Variants in RSPO3 observed in about 807,000 individuals in gnomAD.
The protein encoded by RSPO3 is R-spondin 3, also known as R-spondin-3.
In RSPO3, 17 loss-of-function variants were observed where a neutral mutation model predicts 36.5. The ratio of observed to expected loss-of-function variants is 0.47; its 90% CI spans 0.32 to 0.70. The LOEUF is 0.70. Ranked by LOEUF, RSPO3 falls within the 30% of genes least tolerant of loss-of-function variation. The probability of loss-of-function intolerance (pLI) is 0.04; values close to 1 mark genes in which losing one functional copy is unlikely to be tolerated. For missense variants in RSPO3, 294 were observed against 322.5 expected (o/e 0.91, Z 0.68); for synonymous variants, 108 against 107.0 (o/e 1.01, Z -0.06).
At chr6:127,188,763 A>T (rs560954749) in intron 4 of RSPO3, among the ~76,000 whole-genome samples, 1 of 152,310 alleles carries the variant, frequency 6.6e-6, no homozygotes, top group South Asian at 2.1e-4. Flanking sequence ...TCTGATAAGC[A>T]GCTTTTCCTT....
chr6:127,161,599 C>T (rs1271740217), intron 4 of RSPO3, among the ~76,000 whole-genome samples: 1 of 152,056 alleles, frequency 6.6e-6, no homozygotes, highest in Non-Finnish European at 1.5e-5. Context: ...TCCATGCAAT[C>T]CCTTCATTCC....
intron 1 of RSPO3, among the ~76,000 whole-genome samples, chr6:127,135,779 T>A (rs1196540071): frequency 6.6e-6 from 1 of 151,976 alleles, no homozygotes; most frequent in East Asian, 1.9e-4. Flanking sequence ...ATACCAAAAT[T>A]AGCCGGGCAT....
At chr6:127,139,364 A>ATCCAAGT (rs1268786403) in intron 1 of RSPO3, among the ~76,000 whole-genome samples, 1 of 152,152 alleles carries the variant, frequency 6.6e-6, no homozygotes, top group Non-Finnish European at 1.5e-5. Flanking sequence ...TAGCACAAAT[A>ATCCAAGT]TCCAAGTTTA....
intron 4 of RSPO3, among the ~76,000 whole-genome samples, chr6:127,163,005 T>C (rs1774740747): frequency 1.3e-5 from 2 of 152,108 alleles, no homozygotes; most frequent in South Asian, 4.1e-4. Context: ...CAATGCTGAG[T>C]TAACCGGCCC....
chr6:127,162,428 T>C (rs571125687), intron 4 of RSPO3, among the ~76,000 whole-genome samples: 24 of 152,172 alleles, frequency 1.6e-4, no homozygotes, highest in Non-Finnish European at 3.2e-4. Flanking sequence ...GATTTGTATT[T>C]CCTTTGTAAA....
Position 127,195,946 on chromosome 6 carries a change from A to G in RSPO3, c.758A>G (p.Gln253Arg), listed in dbSNP as rs1376626789. Residue 253 changes from glutamine to arginine, a missense_variant, in exon 5 of 5, where the codon CAG becomes CGG. Coordinates refer to ENST00000356698, the MANE Select transcript of RSPO3 (RefSeq NM_032784.5). Reference protein sequence around the residue: ...EIPEQRENKQQQKKRKVQDKQ... With the variant: ...EIPEQRENKQRQKKRKVQDKQ... ...CCAGAGCAACGAGAAAACAAACAGC[A>G]GCAGAAGAAGCGAAAAGTCCAAGAT... 6.2e-7 allele frequency: 1 copy of G among 1,613,230 alleles called. No individual in the cohort carries two copies. The highest frequency in any genetic ancestry group is 8.5e-7 in the Non-Finnish European group (1 of 1,179,352).
intron 4 of RSPO3, chr6:127,192,528 C>T (rs1259622227): frequency 3.1e-6 from 1 of 327,864 alleles, no homozygotes; most frequent in Non-Finnish European, 4.4e-6. Flanking sequence ...TTTTTCTGGC[C>T]CTAAGGACAG....
At chr6:127,190,693 T>C (rs1240347232) in intron 4 of RSPO3, among the ~76,000 whole-genome samples, 4 of 152,230 alleles carry the variant, frequency 2.6e-5, no homozygotes, top group African/African-American at 4.8e-5. Context: ...TAATGTGGAA[T>C]ACATTTTTAG....
rs1233535377 is a variant in RSPO3, at chr6:127,173,000, CT to C, written c.634+17567del. On this transcript the variant is annotated intron_variant, in intron 4 of 4. Coordinates refer to ENST00000356698, the MANE Select transcript of RSPO3 (RefSeq NM_032784.5). ...TGTCAATCTGATCTTTCCATTCTGT[CT>C]TTTTCAACACTTTTGCCCTGTGTTC... Among the ~76,000 whole-genome samples the C allele has an allele frequency of 5.9e-5, 9 of 151,894 alleles. No individual in the cohort carries two copies. The East Asian group carries it at 1.8e-3, about 30-fold the overall frequency.
rs1351470614 is a variant in RSPO3, at chr6:127,197,247, A to T, written c.*1240A>T. ...ACTTATAGCGTATTAGGAGATATTT[A>T]TTCCATTTTCTTATTTTAATCAACA... On this transcript the variant is annotated 3_prime_UTR_variant, in exon 5 of 5. Coordinates refer to ENST00000356698, the MANE Select transcript of RSPO3 (RefSeq NM_032784.5). The T allele has an allele frequency of 1.4e-6, 1 of 719,086 alleles. No homozygotes were observed. The highest frequency in any genetic ancestry group is 1.8e-5 in the African/African-American group (1 of 56,164). 44.5% of individuals were successfully genotyped at this position (719,086 alleles called of 1,614,324 possible).
intron 4 of RSPO3, among the ~76,000 whole-genome samples, chr6:127,160,536 G>C (rs1774689902): frequency 6.6e-6 from 1 of 152,184 alleles, no homozygotes; most frequent in African/African-American, 2.4e-5. Flanking sequence ...ATTGTGCCCT[G>C]AGTACCATCT....
intron 1 of RSPO3, among the ~76,000 whole-genome samples, chr6:127,134,032 G>A (rs1774106831): frequency 6.6e-6 from 1 of 152,122 alleles, no homozygotes; most frequent in African/African-American, 2.4e-5. Flanking sequence ...AATAGCGTTG[G>A]AAATTAATTA....
intron 1 of RSPO3, 110 bp downstream of exon 1, chr6:127,119,399 C>T: frequency 2.5e-6 from 2 of 789,898 alleles, no homozygotes. Context: ...CCGCCCTGCG[C>T]CTCGCAGAGG....
At chr6:127,190,161 C>T (rs1775379053) in intron 4 of RSPO3, among the ~76,000 whole-genome samples, 2 of 152,104 alleles carry the variant, frequency 1.3e-5, no homozygotes, top group Non-Finnish European at 2.9e-5. Flanking sequence ...CAGTGGCTCA[C>T]ACCTGTAATC....
At chr6:127,151,852 G>A (rs1774497135) in intron 3 of RSPO3, among the ~76,000 whole-genome samples, 1 of 151,944 alleles carries the variant, frequency 6.6e-6, no homozygotes, top group Non-Finnish European at 1.5e-5. Flanking sequence ...TTTCTTATAG[G>A]TCCTGAGGGC....
chr6:127,193,385 A>G (rs770169240), intron 4 of RSPO3, among the ~76,000 whole-genome samples: 5 of 152,202 alleles, frequency 3.3e-5, no homozygotes, highest in Non-Finnish European at 7.3e-5. Context: ...TATGTGTCCA[A>G]AACATTATGG....
At chr6:127,175,608 T>A (rs2114624240) in intron 4 of RSPO3, among the ~76,000 whole-genome samples, 1 of 151,904 alleles carries the variant, frequency 6.6e-6, no homozygotes, top group Admixed American at 6.6e-5. Context: ...TGTTTCAATA[T>A]TAATTTGCTT....
At chr6:127,177,885 T>C (rs768813022) in intron 4 of RSPO3, among the ~76,000 whole-genome samples, 1 of 151,698 alleles carries the variant, frequency 6.6e-6, no homozygotes, top group Non-Finnish European at 1.5e-5. Flanking sequence ...TGTGTTATTA[T>C]AGTTCTCTTG....
chr6:127,145,010 C>T (rs1774354409), intron 1 of RSPO3, among the ~76,000 whole-genome samples: 1 of 152,110 alleles, frequency 6.6e-6, no homozygotes, highest in African/African-American at 2.4e-5. Context: ...TAAGCTCCAT[C>T]TATTAAGCAT....
Sources: allele counts gnomAD v4.1 joint callset (sites outside exome capture counted in the v4.1 genomes callset), GRCh38; gene constraint gnomAD v4.1.1; transcripts MANE v1.5; gene names NCBI Gene and HGNC (gene_info 2026-07-23, HGNC 2026-07-21).